Variants in FAM163B observed in about 807,000 individuals in gnomAD.
The protein encoded by FAM163B is protein FAM163B.
A neutral mutation model predicts 7.6 loss-of-function variants in FAM163B; 4 were observed. The observed-to-expected ratio is 0.52, with a 90% confidence interval of 0.26 to 1.20. The LOEUF (loss-of-function observed/expected upper bound fraction) is 1.20, where lower values mean the gene tolerates loss of function less well. Among genes scored for constraint, FAM163B ranks in the 50% most tolerant of loss-of-function variants. The pLI, the probability that FAM163B is intolerant of heterozygous loss-of-function variation, is 0.14. For missense variants in FAM163B, 250 were observed against 243.0 expected, an observed-to-expected ratio of 1.03 and a Z score of -0.19; for synonymous variants, 120 against 111.6, an observed-to-expected ratio of 1.07 and a Z score of -0.47.
chr9:133,590,737 A>C (rs1588328168), intron 1 of FAM163B, among the ~76,000 whole-genome samples: 1 of 151,932 alleles, frequency 6.6e-6, no homozygotes, highest in Non-Finnish European at 1.5e-5. Flanking sequence ...GGCACCCCAG[A>C]CCCCAGCCAG....
chr9:133,603,358 T>C (rs1030585130), intron 1 of FAM163B, among the ~76,000 whole-genome samples: 8 of 152,150 alleles, frequency 5.3e-5, no homozygotes, highest in Non-Finnish European at 1.0e-4. Flanking sequence ...TAATCAGAGC[T>C]AACGCTAGGG....
At position 133,588,212 on chromosome 9, in the gene FAM163B, G is replaced by A. The variant is rs1411173004; in HGVS notation, c.-23-7966C>T. ...GTCCCAGCCCCTTTCTGCTGAGACC[G>A]AGTCGGGGATCGTGGGAGATGGGGG... On this transcript the variant is annotated intron_variant, in intron 1 of 2. Transcript: ENST00000673969. Among the ~76,000 whole-genome samples the A allele has an allele frequency of 2.6e-5, 4 of 152,156 alleles. 1 individual carries two copies. Among genetic ancestry groups the A allele is most frequent in the African/African-American group, 4.8e-5 (2 of 41,426 alleles).
intron 1 of FAM163B, chr9:133,585,887 A>G (rs1831428805): frequency 6.6e-6 from 1 of 152,288 alleles, no homozygotes. Context: ...ACTCCTCCCC[A>G]TGCCGGCGTC....
At chr9:133,580,049 C>A in intron 2 of FAM163B, 82 bp downstream of exon 2, 1 of 1,208,180 alleles carries the variant, frequency 8.3e-7, no homozygotes, top group Non-Finnish European at 1.2e-6. Flanking sequence ...ACCCTTGTGA[C>A]CTTCAGGCGG....
chr9:133,605,923 C>T (rs557888475), intron 1 of FAM163B, among the ~76,000 whole-genome samples: 1 of 152,178 alleles, frequency 6.6e-6, no homozygotes, highest in Non-Finnish European at 1.5e-5. Flanking sequence ...CCTGCAGGGC[C>T]CCCTCTCCAA....
intron 1 of FAM163B, among the ~76,000 whole-genome samples, chr9:133,588,974 G>A (rs1416196085): frequency 6.6e-6 from 1 of 152,108 alleles, no homozygotes; most frequent in East Asian, 1.9e-4. Flanking sequence ...GCACATCCCT[G>A]AAGAAGCTCG....
At chr9:133,597,119 GA>G (rs1831643641) in intron 1 of FAM163B, among the ~76,000 whole-genome samples, 1 of 152,196 alleles carries the variant, frequency 6.6e-6, no homozygotes, top group Admixed American at 6.5e-5. Context: ...GAAAGAAGCA[GA>G]AAAATACAAA....
chr9:133,586,966 C>A (rs1831448771), intron 1 of FAM163B, among the ~76,000 whole-genome samples: 2 of 152,196 alleles, frequency 1.3e-5, no homozygotes, highest in Non-Finnish European at 2.9e-5. Context: ...CGGCCACTGT[C>A]CAGAGCCCAC....
rs1320306528 is a variant in FAM163B, at chr9:133,600,201, G to C, written c.-24+8876C>G. Among the ~76,000 whole-genome samples the C allele has an allele frequency of 2.0e-5, 3 of 150,734 alleles. No homozygotes were observed. The highest frequency in any genetic ancestry group is 4.4e-5 in the Non-Finnish European group (3 of 67,748). ...GCATGTGTATGTGGGAATGTGGTCTGTGTGAGTGTGTGTGTGTGGGGGGGA... is the reference window on the plus strand; with the variant it reads ...GCATGTGTATGTGGGAATGTGGTCTCTGTGAGTGTGTGTGTGTGGGGGGGA... On this transcript the variant is annotated intron_variant, in intron 1 of 2. Coordinates refer to ENST00000673969, the MANE Select transcript of FAM163B (RefSeq NM_001080515.3). The surrounding 1 kb of genome is among the most constrained non-coding windows in gnomAD (Gnocchi z 4.9).
Position 133,598,802 on chromosome 9 carries a change from A to T in FAM163B, c.-24+10275T>A, listed in dbSNP as rs188426996. On this transcript the variant is annotated intron_variant, in intron 1 of 2. Coordinates refer to ENST00000673969, the MANE Select transcript of FAM163B (RefSeq NM_001080515.3). Reference sequence around the variant, plus strand: ...ATTTCACAGGTGGAGCACTGGGGACAGGGACCTGAGGCACCAGCAAACAGG... The same window carrying T: ...ATTTCACAGGTGGAGCACTGGGGACTGGGACCTGAGGCACCAGCAAACAGG... Among the ~76,000 whole-genome samples the T allele has an allele frequency of 3.9e-3, 600 of 152,300 alleles. 8 individuals carry two copies. The highest frequency in any genetic ancestry group is 5.7e-3 in the Non-Finnish European group (388 of 68,026).
At chr9:133,602,789 C>T (rs1269593351) in intron 1 of FAM163B, among the ~76,000 whole-genome samples, 1 of 152,194 alleles carries the variant, frequency 6.6e-6, no homozygotes, top group Non-Finnish European at 1.5e-5. Context: ...ACCAGAAGCT[C>T]ACAGTCGACA....
At chr9:133,591,818 C>G (rs980740105) in intron 1 of FAM163B, among the ~76,000 whole-genome samples, 5 of 152,160 alleles carry the variant, frequency 3.3e-5, no homozygotes, top group Non-Finnish European at 7.4e-5. Context: ...TGACCCTCAC[C>G]CTAGGCCTGT....
chr9:133,599,954 T>C (rs910014492), intron 1 of FAM163B, among the ~76,000 whole-genome samples: 4 of 131,414 alleles, frequency 3.0e-5, no homozygotes, highest in African/African-American at 8.7e-5. Flanking sequence ...CATATGTGTG[T>C]GCGTGTGTGC....
At chr9:133,587,459 G>A (rs749976422) in intron 1 of FAM163B, among the ~76,000 whole-genome samples, 29 of 152,176 alleles carry the variant, frequency 1.9e-4, no homozygotes, top group South Asian at 6.2e-4. Flanking sequence ...CTCAGGAACC[G>A]TAGGGCAGGA....
At chr9:133,602,852 G>A (rs996022999) in intron 1 of FAM163B, among the ~76,000 whole-genome samples, 1 of 152,100 alleles carries the variant, frequency 6.6e-6, no homozygotes, top group Non-Finnish European at 1.5e-5. Flanking sequence ...GCTTTTTTCT[G>A]CCTTCCTTTG....
At chr9:133,588,593 T>A (rs76516064) in intron 1 of FAM163B, among the ~76,000 whole-genome samples, 1 of 152,100 alleles carries the variant, frequency 6.6e-6, no homozygotes, top group African/African-American at 2.4e-5. Context: ...GGATCTAGCA[T>A]GTTGAGGGAT....
chr9:133,605,554 G>A (rs1431656672), intron 1 of FAM163B, among the ~76,000 whole-genome samples: 4 of 152,284 alleles, frequency 2.6e-5, no homozygotes, highest in East Asian at 1.9e-4. Context: ...AGCTCGGTCC[G>A]GCAGGGACCC....
rs1288215367 is a variant in FAM163B, at chr9:133,601,375, C to T, written c.-24+7702G>A. On this transcript the variant is annotated intron_variant, in intron 1 of 2. Coordinates refer to ENST00000673969, the MANE Select transcript of FAM163B (RefSeq NM_001080515.3). This position sits in a 1 kb window ranked among gnomAD's most constrained non-coding sequence, Gnocchi z 4.1. ...TCCTTTTTAAATAGATTGGGCTCAG[C>T]CATTTTTAAACGAGTGGAGGTGTGC... Among the ~76,000 whole-genome samples the T allele has an allele frequency of 1.3e-5, 2 of 152,202 alleles. No homozygotes were observed. Among genetic ancestry groups the T allele is most frequent in the Non-Finnish European group, 2.9e-5 (2 of 68,036 alleles).
intron 1 of FAM163B, among the ~76,000 whole-genome samples, chr9:133,588,953 GA>G (rs1831494467): frequency 6.6e-6 from 1 of 152,094 alleles, no homozygotes; most frequent in Non-Finnish European, 1.5e-5. Flanking sequence ...CTCGTGGTCT[GA>G]AATATTTATG....
Sources: gnomAD v4.1 joint callset for allele counts (sites outside exome capture counted in the v4.1 genomes callset) on GRCh38, gnomAD v4.1.1 for gene constraint, Gnocchi (gnomAD v3.1) non-coding constraint, MANE v1.5 for transcripts, NCBI Gene and HGNC (gene_info 2026-07-23, HGNC 2026-07-21) for gene names.